TAFA1: variants seen among roughly 807,000 people sequenced by gnomAD.
TAFA1 encodes the protein TAFA chemokine like family member 1.
A neutral mutation model predicts 18.5 loss-of-function variants in TAFA1; 4 were observed. The observed-to-expected ratio is 0.22, with a 90% confidence interval of 0.11 to 0.49. The LOEUF is 0.49. Ranked by LOEUF, TAFA1 falls within the 20% of genes least tolerant of loss-of-function variation. The pLI, the probability that TAFA1 is intolerant of heterozygous loss-of-function variation, is 0.98. For missense variants in TAFA1, 147 were observed against 169.0 expected (o/e 0.87, Z 0.72); for synonymous variants, 56 against 55.2 (o/e 1.01, Z -0.06).
At chr3:68,479,076 C>T (rs2072166113) in intron 3 of TAFA1, among the ~76,000 whole-genome samples, 1 of 150,196 alleles carries the variant, frequency 6.7e-6, no homozygotes, top group Non-Finnish European at 1.5e-5. Context: ...ACTAAAAATA[C>T]AAAAATTAAC....
intron 2 of TAFA1, among the ~76,000 whole-genome samples, chr3:68,186,860 A>G (rs2066277976): frequency 6.6e-6 from 1 of 151,970 alleles, no homozygotes; most frequent in Non-Finnish European, 1.5e-5. Flanking sequence ...CCTTGCTAGG[A>G]GATGTCCCTT....
chr3:68,336,015 G>A lies in TAFA1; in HGVS notation c.119-81265G>A, dbSNP rs559094520. On this transcript the variant is annotated intron_variant, in intron 2 of 4. Coordinates refer to ENST00000478136, the MANE Select transcript of TAFA1 (RefSeq NM_213609.4). ...AAAAGTGGCAGGTTATTAAGAAAGA[G>A]GCGAGCCTTGGAGCCTGGCAAACCT... is the stretch of plus-strand genomic sequence containing the variant. 4.6e-5 allele frequency among the ~76,000 whole-genome samples: 7 copies of A among 151,854 alleles called. No homozygotes were observed. In the East Asian group the frequency reaches 7.8e-4, roughly 17 times the overall value.
chr3:68,262,393 C>A (rs1188581251), intron 2 of TAFA1, among the ~76,000 whole-genome samples: 71 of 130,812 alleles, frequency 5.4e-4, no homozygotes, highest in Non-Finnish European at 9.8e-4. Context: ...AGGTAGTGAG[C>A]ATAGTATCCA....
At chr3:68,233,494 C>T (rs535509134) in intron 2 of TAFA1, among the ~76,000 whole-genome samples, 2 of 152,186 alleles carry the variant, frequency 1.3e-5, no homozygotes, top group African/African-American at 4.8e-5. Flanking sequence ...GCCTATGTGT[C>T]TGTTTTTATA....
intron 3 of TAFA1, among the ~76,000 whole-genome samples, chr3:68,509,696 T>A (rs1282883812): frequency 6.6e-6 from 1 of 152,122 alleles, no homozygotes; most frequent in African/African-American, 2.4e-5. Context: ...CATTACCAGC[T>A]ATGTAAAGGT....
At chr3:68,235,809 GAACCACTTCACAC>G (rs1457223456) in intron 2 of TAFA1, among the ~76,000 whole-genome samples, 1 of 152,070 alleles carries the variant, frequency 6.6e-6, no homozygotes, top group African/African-American at 2.4e-5. Context: ...GTGCTTCAGA[GAACCACTTCACAC>G]ATGAAAATTT....
chr3:68,368,666 A>G (rs2069620068), intron 2 of TAFA1, among the ~76,000 whole-genome samples: 1 of 152,108 alleles, frequency 6.6e-6, no homozygotes, highest in Non-Finnish European at 1.5e-5. Flanking sequence ...CATTTCCTCA[A>G]TATTATTTTG....
intron 2 of TAFA1, among the ~76,000 whole-genome samples, chr3:68,404,146 G>C (rs1301602074): frequency 6.6e-6 from 1 of 152,142 alleles, no homozygotes; most frequent in African/African-American, 2.4e-5. Context: ...AGGAGACTAA[G>C]AAAAGAAAGC....
At chr3:68,024,166 T>G (rs2106803651) in intron 2 of TAFA1, among the ~76,000 whole-genome samples, 1 of 152,302 alleles carries the variant, frequency 6.6e-6, no homozygotes, top group Non-Finnish European at 1.5e-5. Flanking sequence ...TATTTTTACT[T>G]CCAGAACTGT....
At chr3:68,280,068 T>C (rs1022102628) in intron 2 of TAFA1, among the ~76,000 whole-genome samples, 3 of 152,172 alleles carry the variant, frequency 2.0e-5, no homozygotes, top group African/African-American at 7.2e-5. Flanking sequence ...ATAAAGCTAA[T>C]AGTGTAGGTC....
chr3:68,158,400 A>G (rs1302015181), intron 2 of TAFA1, among the ~76,000 whole-genome samples: 1 of 151,928 alleles, frequency 6.6e-6, no homozygotes, highest in Non-Finnish European at 1.5e-5. Flanking sequence ...TTCAAATTCA[A>G]CTTGTAAGGT....
At chr3:68,192,265 C>T (rs1421502958) in intron 2 of TAFA1, 1 of 151,788 alleles carries the variant, frequency 6.6e-6, no homozygotes, top group Admixed American at 6.6e-5. Flanking sequence ...GAGGTCTTTT[C>T]CCCTCTCTTG....
At chr3:68,390,060 A>G (rs1172466841) in intron 2 of TAFA1, among the ~76,000 whole-genome samples, 4 of 152,180 alleles carry the variant, frequency 2.6e-5, no homozygotes, top group Non-Finnish European at 5.9e-5. Context: ...GGTCTTGCTC[A>G]GCAGACCCTA....
At chr3:67,996,930 A>G in the TAFA1 span, among the ~76,000 whole-genome samples, 1 of 152,198 alleles carries the variant, frequency 6.6e-6, no homozygotes, top group African/African-American at 2.4e-5. Context: ...ATGACACAGA[A>G]CAATAGATGC....
intron 3 of TAFA1, among the ~76,000 whole-genome samples, chr3:68,536,544 G>C (rs1030929900): frequency 6.6e-6 from 1 of 152,140 alleles, no homozygotes; most frequent in East Asian, 1.9e-4. Flanking sequence ...ACATTTTGAG[G>C]ATTCTGAATG....
intron 2 of TAFA1, among the ~76,000 whole-genome samples, chr3:68,381,872 G>A (rs1298167207): frequency 3.3e-5 from 5 of 152,286 alleles, no homozygotes; most frequent in Middle Eastern, 3.4e-3. Flanking sequence ...AATGCTTCCA[G>A]TTTTTGCCCA....
At chr3:68,282,733 T>A (rs754932385) in intron 2 of TAFA1, among the ~76,000 whole-genome samples, 3 of 152,198 alleles carry the variant, frequency 2.0e-5, no homozygotes, top group Non-Finnish European at 2.9e-5. Flanking sequence ...GCTTTCATTC[T>A]CTAGTGAATC....
chr3:68,474,666 ATCTC>A lies in TAFA1; in HGVS notation c.259+57250_259+57253del, dbSNP rs2072058054. ...TTGGTTTTATAAATCGTTGTAAATT[ATCTC>A]TCTAACTATATTCCCAGCCATTTCT... On this transcript the variant is annotated intron_variant, in intron 3 of 4. Transcript: ENST00000478136. 2.0e-5 allele frequency among the ~76,000 whole-genome samples: 3 copies of A among 152,354 alleles called. 1 individual carries two copies. Among genetic ancestry groups the A allele is most frequent in the South Asian group, 4.1e-4 (2 of 4,832 alleles).
intron 3 of TAFA1, 76 bp from the exon 4 acceptor site, chr3:68,538,680 C>G: frequency 6.7e-7 from 1 of 1,490,982 alleles, no homozygotes. Context: ...ACGTGAAAAT[C>G]TGCAGAGGGA....
Sources: allele counts gnomAD v4.1 joint callset (sites outside exome capture counted in the v4.1 genomes callset), GRCh38; gene constraint gnomAD v4.1.1; transcripts MANE v1.5; gene names NCBI Gene and HGNC (gene_info 2026-07-23, HGNC 2026-07-21).